Variants in NRG3 observed in about 807,000 individuals in gnomAD.
The protein encoded by NRG3 is pro-neuregulin-3, membrane-bound isoform.
Under a neutral mutation model 66.9 loss-of-function variants are expected in NRG3, and 31 were observed. The observed-to-expected ratio is 0.46, with a 90% CI of 0.35 to 0.63. The LOEUF is 0.63. Ranked by LOEUF, NRG3 falls within the 20% of genes least tolerant of loss-of-function variation. The probability of loss-of-function intolerance (pLI) is 0.00; values close to 1 mark genes in which losing one functional copy is unlikely to be tolerated. For synonymous variants in NRG3, 393 were observed against 359.4 expected, an observed-to-expected ratio of 1.09 and a Z score of -1.06; for missense variants, 910 against 878.9, an observed-to-expected ratio of 1.04 and a Z score of -0.45.
At chr10:82,625,148 A>G (rs1361208827) in intron 2 of NRG3, among the ~76,000 whole-genome samples, 1 of 151,884 alleles carries the variant, frequency 6.6e-6, no homozygotes, top group Non-Finnish European at 1.5e-5. Context: ...CCATTTTAAA[A>G]TGCCAAAATA....
chr10:81,933,253 G>A (rs1847561830), intron 1 of NRG3, among the ~76,000 whole-genome samples: 1 of 152,084 alleles, frequency 6.6e-6, no homozygotes. Context: ...GACCATGGCA[G>A]ACTTCTTCCT....
At chr10:82,567,149 AT>A (rs2045459651) in intron 2 of NRG3, among the ~76,000 whole-genome samples, 1 of 151,932 alleles carries the variant, frequency 6.6e-6, no homozygotes, top group African/African-American at 2.4e-5. Flanking sequence ...GGAAATGAAG[AT>A]TTTTATGGTC....
At chr10:82,188,057 A>G (rs906856312) in intron 1 of NRG3, among the ~76,000 whole-genome samples, 1 of 152,170 alleles carries the variant, frequency 6.6e-6, no homozygotes, top group Non-Finnish European at 1.5e-5. Flanking sequence ...CCTGACTTCA[A>G]ATTATACTAC....
chr10:82,428,306 T>A (rs2089578005), intron 2 of NRG3, among the ~76,000 whole-genome samples: 1 of 151,980 alleles, frequency 6.6e-6, no homozygotes, highest in Non-Finnish European at 1.5e-5. Context: ...TTCTTCTTTT[T>A]TAATATAGGC....
intron 2 of NRG3, among the ~76,000 whole-genome samples, chr10:82,375,934 G>A (rs1397691812): frequency 6.6e-6 from 1 of 152,218 alleles, no homozygotes; most frequent in Non-Finnish European, 1.5e-5. Context: ...AAACATAGCT[G>A]TTCTATGTGT....
intron 3 of NRG3, among the ~76,000 whole-genome samples, chr10:82,823,924 C>T (rs536228000): frequency 2.6e-5 from 4 of 152,214 alleles, no homozygotes; most frequent in Admixed American, 2.6e-4. Context: ...GTTCTTCAAA[C>T]ATCACCCCTA....
chr10:82,975,350 T>C lies in NRG3; in HGVS notation c.1412+1435T>C, dbSNP rs138052664. Among the ~76,000 whole-genome samples the C allele has an allele frequency of 4.1e-4, 62 of 152,340 alleles. 1 individual carries two copies. In the East Asian group the frequency reaches 0.011, roughly 27 times the overall value. On this transcript the variant is annotated intron_variant, in intron 7 of 8. Coordinates refer to ENST00000372141, the MANE Select transcript of NRG3 (RefSeq NM_001010848.4). The stretch of plus-strand genomic sequence containing the variant: ...TATATGAACTGTATTCTGTCATAAA[T>C]GTTTTAAAATTGATATATATGTTTT...
chr10:82,742,328 AGT>A (rs2058461828), intron 3 of NRG3, among the ~76,000 whole-genome samples: 1 of 152,124 alleles, frequency 6.6e-6, no homozygotes, highest in Non-Finnish European at 1.5e-5. Flanking sequence ...TACTGGCTTG[AGT>A]GTCTTAGCAG....
At chr10:82,230,116 A>G (rs1392599568) in intron 1 of NRG3, 2 of 152,216 alleles carry the variant, frequency 1.3e-5, no homozygotes, top group African/African-American at 4.8e-5. Context: ...AGTTTTGAGA[A>G]TAAACATTTT....
At chr10:82,353,686 G>A (rs1253509965) in intron 1 of NRG3, among the ~76,000 whole-genome samples, 2 of 152,152 alleles carry the variant, frequency 1.3e-5, no homozygotes, top group African/African-American at 4.8e-5. Context: ...TAGTGATGGG[G>A]TACTATTTCT....
At chr10:82,372,523 C>A (rs1274976636) in intron 2 of NRG3, among the ~76,000 whole-genome samples, 1 of 152,108 alleles carries the variant, frequency 6.6e-6, no homozygotes. Flanking sequence ...TAACTTTTAT[C>A]TACATATTTG....
At chr10:82,440,147 A>G (rs2090357739) in intron 2 of NRG3, among the ~76,000 whole-genome samples, 1 of 151,926 alleles carries the variant, frequency 6.6e-6, no homozygotes, top group Non-Finnish European at 1.5e-5. Context: ...CAGGTTCTCT[A>G]TATTTTGGTA....
intron 1 of NRG3, among the ~76,000 whole-genome samples, chr10:82,184,048 C>T (rs2073628665): frequency 6.6e-6 from 1 of 152,212 alleles, no homozygotes; most frequent in Middle Eastern, 3.4e-3. Context: ...ATCCTTTTAT[C>T]TTGTTTGACC....
intron 2 of NRG3, among the ~76,000 whole-genome samples, chr10:82,684,667 C>T (rs1192974180): frequency 6.6e-6 from 1 of 151,978 alleles, no homozygotes; most frequent in Admixed American, 6.6e-5. Context: ...ATTCTTTGTA[C>T]AGCCTTTAAG....
intron 1 of NRG3, among the ~76,000 whole-genome samples, chr10:82,035,695 G>A (rs1052074585): frequency 6.6e-6 from 1 of 152,032 alleles, no homozygotes; most frequent in Non-Finnish European, 1.5e-5. Flanking sequence ...GGGGACAAAT[G>A]TTTTTGTTTT....
intron 1 of NRG3, among the ~76,000 whole-genome samples, chr10:82,102,118 AT>A (rs2066778354): frequency 6.0e-5 from 1 of 16,784 alleles, no homozygotes; most frequent in Non-Finnish European, 1.7e-4. Context: ...GTATTCATAT[AT>A]ATATATGTGT....
chr10:82,816,844 C>T (rs886194361), intron 3 of NRG3, among the ~76,000 whole-genome samples: 1 of 152,216 alleles, frequency 6.6e-6, no homozygotes, highest in Non-Finnish European at 1.5e-5. Flanking sequence ...ACTGGCATCC[C>T]CGCACCCAGC....
chr10:82,547,433 A>G (rs966498625), intron 2 of NRG3, among the ~76,000 whole-genome samples: 1 of 150,936 alleles, frequency 6.6e-6, no homozygotes. Context: ...GTGTGTATAT[A>G]TATTCCATGT....
intron 2 of NRG3, among the ~76,000 whole-genome samples, chr10:82,550,367 A>T (rs1329682853): frequency 3.3e-5 from 5 of 152,020 alleles, no homozygotes; most frequent in African/African-American, 4.8e-5. Flanking sequence ...GTCCTGTATT[A>T]CCCTTGCTGG....
Sources: gnomAD v4.1 joint callset for allele counts (sites outside exome capture counted in the v4.1 genomes callset) on GRCh38, gnomAD v4.1.1 for gene constraint, MANE v1.5 for transcripts, NCBI Gene and HGNC (gene_info 2026-07-23, HGNC 2026-07-21) for gene names.